Variants in EBF1 observed in about 807,000 individuals in gnomAD.
The protein encoded by EBF1 is EBF transcription factor 1.
A neutral mutation model predicts 68.4 loss-of-function variants in EBF1; 10 were observed. That is an observed-to-expected ratio of 0.15 (90% confidence interval 0.09 to 0.25). EBF1 has a LOEUF of 0.25. Among genes scored for constraint, EBF1 ranks in the 10% least tolerant of loss-of-function variants. The pLI is 1.00. For synonymous variants in EBF1, 298 were observed against 299.8 expected, an observed-to-expected ratio of 0.99 and a Z score of 0.06; for missense variants, 509 against 794.4, an observed-to-expected ratio of 0.64 and a Z score of 4.32.
chr5:158,790,228 C>T (rs1392139892), intron 9 of EBF1, among the ~76,000 whole-genome samples: 1 of 152,228 alleles, frequency 6.6e-6, no homozygotes, highest in African/African-American at 2.4e-5. Flanking sequence ...CCTACAAAAT[C>T]ATATAGCATC....
intron 6 of EBF1, among the ~76,000 whole-genome samples, chr5:159,039,003 T>C (rs1323420203): frequency 1.3e-5 from 2 of 152,230 alleles, no homozygotes; most frequent in Non-Finnish European, 2.9e-5. Flanking sequence ...GAATGTTTAC[T>C]TCCTTTAGAA....
chr5:158,983,635 CG>C (rs954803328), intron 6 of EBF1: 3 of 152,032 alleles, frequency 2.0e-5, no homozygotes, highest in Non-Finnish European at 4.4e-5. Context: ...TAGCATTGAC[CG>C]GGTGACTAAG....
intron 6 of EBF1, among the ~76,000 whole-genome samples, chr5:158,941,707 G>T (rs1034454557): frequency 2.6e-5 from 4 of 152,204 alleles, no homozygotes; most frequent in Non-Finnish European, 5.9e-5. Context: ...TGTGCAGGAT[G>T]CTTTCTCAGT....
chr5:158,978,797 TACACACACAC>T (rs57930371), intron 6 of EBF1, among the ~76,000 whole-genome samples: 19 of 143,016 alleles, frequency 1.3e-4, no homozygotes, highest in South Asian at 9.0e-4. Context: ...CACACACACA[TACACACACAC>T]ACACACACAC....
intron 7 of EBF1, among the ~76,000 whole-genome samples, chr5:158,831,069 T>C (rs901756183): frequency 1.3e-5 from 2 of 152,176 alleles, no homozygotes; most frequent in African/African-American, 4.8e-5. Flanking sequence ...TCACAAGTCA[T>C]CTGAACCTCA....
chr5:158,939,189 C>A (rs990290278), intron 6 of EBF1, among the ~76,000 whole-genome samples: 1 of 152,108 alleles, frequency 6.6e-6, no homozygotes, highest in Non-Finnish European at 1.5e-5. Context: ...TTATTATGTG[C>A]GGGACAAGGG....
rs190440873 is a variant in EBF1 at position 158,916,606 on chromosome 5, T to C, written c.555-76496A>G. On this transcript the variant is annotated intron_variant, in intron 6 of 15. Coordinates refer to ENST00000313708, the MANE Select transcript of EBF1 (RefSeq NM_024007.5). ...AAGATTAAGTACCTAGTCCAAGCAA[T>C]CACATCCAGGAAGTGGCAGAGATGG... is the stretch of plus-strand genomic sequence containing the variant. Among the ~76,000 whole-genome samples the C allele has an allele frequency of 3.0e-4, 45 of 152,264 alleles. 1 individual carries two copies. Among genetic ancestry groups the C allele is most frequent in the Admixed American group, 2.0e-3 (30 of 15,298 alleles).
At chr5:158,750,402 ATTGAT>A (rs1768549557) in intron 10 of EBF1, among the ~76,000 whole-genome samples, 1 of 152,084 alleles carries the variant, frequency 6.6e-6, no homozygotes, top group Admixed American at 6.6e-5. Context: ...CTTTATTACT[ATTGAT>A]TTATGAATTC....
intron 7 of EBF1, among the ~76,000 whole-genome samples, chr5:158,833,847 G>A (rs1000015477): frequency 6.6e-6 from 1 of 152,134 alleles, no homozygotes; most frequent in East Asian, 1.9e-4. Flanking sequence ...ATCCCAAGAA[G>A]AATATAAGTT....
chr5:159,072,291 A>G (rs1481311186), intron 6 of EBF1, among the ~76,000 whole-genome samples: 1 of 152,242 alleles, frequency 6.6e-6, no homozygotes, highest in East Asian at 1.9e-4. Flanking sequence ...CACATAAGTC[A>G]AAATCAACAA....
chr5:159,002,668 T>C (rs1015511000), intron 6 of EBF1, among the ~76,000 whole-genome samples: 2 of 152,200 alleles, frequency 1.3e-5, no homozygotes, highest in African/African-American at 4.8e-5. Flanking sequence ...AGTTTTTATA[T>C]ATATAGAAAA....
At chr5:159,044,929 T>C (rs180990965) in intron 6 of EBF1, among the ~76,000 whole-genome samples, 8 of 152,262 alleles carry the variant, frequency 5.3e-5, no homozygotes, top group African/African-American at 1.4e-4. Context: ...AAATCTTCAA[T>C]GTACCAGAGC....
intron 7 of EBF1, among the ~76,000 whole-genome samples, chr5:158,824,841 C>T (rs1175499617): frequency 6.6e-6 from 1 of 152,238 alleles, no homozygotes; most frequent in Non-Finnish European, 1.5e-5. Flanking sequence ...CTAAGTGCAT[C>T]CTGGCAAAAT....
chr5:158,853,808 A>C, intron 6 of EBF1, among the ~76,000 whole-genome samples: 1 of 152,190 alleles, frequency 6.6e-6, no homozygotes, highest in African/African-American at 2.4e-5. Context: ...TTTTTATTTC[A>C]CATACAGAAT....
intron 7 of EBF1, among the ~76,000 whole-genome samples, chr5:158,830,419 C>T (rs1562055279): frequency 6.6e-6 from 1 of 152,158 alleles, no homozygotes; most frequent in Non-Finnish European, 1.5e-5. Context: ...TAGAGGGGCA[C>T]ACCACCACAC....
At chr5:158,744,121 T>A (rs1391186807) in intron 10 of EBF1, among the ~76,000 whole-genome samples, 1 of 151,612 alleles carries the variant, frequency 6.6e-6, no homozygotes, top group East Asian at 1.9e-4. Flanking sequence ...CAGTGAGCAC[T>A]GCAGCCTGGG....
chr5:158,991,651 T>G (rs1257798765), intron 6 of EBF1, among the ~76,000 whole-genome samples: 1 of 152,232 alleles, frequency 6.6e-6, no homozygotes, highest in Non-Finnish European at 1.5e-5. Flanking sequence ...AAAGTATTTA[T>G]GCAAAAGCAA....
intron 7 of EBF1, among the ~76,000 whole-genome samples, chr5:158,827,054 AG>A (rs1401218736): frequency 6.6e-6 from 1 of 152,152 alleles, no homozygotes; most frequent in Non-Finnish European, 1.5e-5. Context: ...TTAACTCATA[AG>A]GTAACTGTGA....
At chr5:158,903,367 G>A (rs548813333) in intron 6 of EBF1, among the ~76,000 whole-genome samples, 1 of 152,096 alleles carries the variant, frequency 6.6e-6, no homozygotes, top group East Asian at 1.9e-4. Context: ...TCAGGAACGT[G>A]CCCTTATCAG....
Sources: allele counts gnomAD v4.1 joint callset (sites outside exome capture counted in the v4.1 genomes callset), GRCh38; gene constraint gnomAD v4.1.1; transcripts MANE v1.5; gene names NCBI Gene and HGNC (gene_info 2026-07-23, HGNC 2026-07-21).